The following DSCAML1 variants were observed in gnomAD, a reference collection of about 807,000 sequenced individuals.
DSCAML1 encodes the protein DS cell adhesion molecule like 1.
DSCAML1 carries 38 observed loss-of-function variants against 200.5 expected under a neutral mutation model. The observed-to-expected ratio is 0.19, with a 90% CI of 0.15 to 0.25. The LOEUF (loss-of-function observed/expected upper bound fraction) is 0.25. Among genes scored for constraint, DSCAML1 ranks in the 10% least tolerant of loss-of-function variants. The pLI, the probability that DSCAML1 is intolerant of heterozygous loss-of-function variation, is 1.00. For missense variants in DSCAML1, 2,223 were observed against 2,858.8 expected (o/e 0.78, Z 5.07); for synonymous variants, 1,215 against 1,165.0 (o/e 1.04, Z -0.87).
intron 5 of DSCAML1, among the ~76,000 whole-genome samples, chr11:117,523,206 A>C (rs1267720505): frequency 6.6e-6 from 1 of 152,090 alleles, no homozygotes; most frequent in African/African-American, 2.4e-5. Flanking sequence ...TGAACACTGC[A>C]TTTACCTACA....
In DSCAML1 at chr11:117,438,048, C is replaced by T. The variant is rs144401581; in HGVS notation, c.4279G>A (p.Glu1427Lys). Residue 1427 changes from glutamate (E) to lysine (K), a missense_variant, in exon 25 of 33, where the codon GAG becomes AAG. Physicochemically the swap from Glu to Lys is moderately conservative, Grantham distance 56 (BLOSUM62 1). This residue lies in a region of DSCAML1 where 614 missense variants were observed against 739.1 expected (regional missense o/e 0.83). Transcript: ENST00000651296. ...GAGCTGATGAACACATCCTTCCACT[C>T]CTCGCTGTTGTCCACCGAGTACTGT... ...VLQYSVDNSE[E>K]WKDVFISSSE... The T allele has an allele frequency of 5.3e-5, 86 of 1,613,856 alleles. No individual in the cohort carries two copies. Among genetic ancestry groups the T allele is most frequent in the Non-Finnish European group, 6.9e-5 (81 of 1,179,934 alleles).
chr11:117,635,190 T>C (rs1377110538), intron 3 of DSCAML1, among the ~76,000 whole-genome samples: 1 of 152,158 alleles, frequency 6.6e-6, no homozygotes, highest in Non-Finnish European at 1.5e-5. Context: ...TTTGATGTTC[T>C]GCAGCGGCAC....
At chr11:117,436,867 C>G (rs1230859594) in intron 26 of DSCAML1, among the ~76,000 whole-genome samples, 1 of 152,218 alleles carries the variant, frequency 6.6e-6, no homozygotes, top group African/African-American at 2.4e-5. Flanking sequence ...TTCAAAGACT[C>G]TCCATCTTTG....
At chr11:117,809,364 C>T (rs2055736772) in intron 1 of DSCAML1, among the ~76,000 whole-genome samples, 1 of 152,236 alleles carries the variant, frequency 6.6e-6, no homozygotes, top group Non-Finnish European at 1.5e-5. Context: ...ACTCCTTGGG[C>T]GTGGCTCTGA....
At chr11:117,568,765 G>T (rs1395378935) in intron 3 of DSCAML1, among the ~76,000 whole-genome samples, 2 of 152,188 alleles carry the variant, frequency 1.3e-5, no homozygotes, top group African/African-American at 2.4e-5. Context: ...CGGGTAGGAA[G>T]AATCAATATC....
Position 117,428,509 on chromosome 11 carries a change from TCAG to T in DSCAML1, c.5978_5980del (p.Ala1993del), listed in dbSNP as rs2047709963. The T allele has an allele frequency of 5.3e-6, 7 of 1,314,312 alleles. No homozygotes were observed. In the East Asian group the frequency reaches 2.0e-4, roughly 38 times the overall value. 81.4% of individuals were successfully genotyped at this position (1,314,312 alleles called of 1,614,324 possible). A position where few individuals can be genotyped will look rare whatever the true frequency, so the allele number is the denominator to read the frequency against. On this transcript the variant is annotated inframe_deletion, in exon 33 of 33. Transcript: ENST00000651296. ...GGCAGCGCTGGGGGCGGTGGGTGGC[TCAG>T]CAGGGGTGGGGCCGGGGGCTGGGGG...
chr11:117,493,871 G>GC (rs1565738008), intron 11 of DSCAML1, among the ~76,000 whole-genome samples: 1 of 151,994 alleles, frequency 6.6e-6, no homozygotes, highest in Admixed American at 6.6e-5. Flanking sequence ...CAAGCAATTC[G>GC]CCCCCCTCTC....
At chr11:117,442,979 T>A (rs2048098544) in intron 21 of DSCAML1, among the ~76,000 whole-genome samples, 1 of 152,216 alleles carries the variant, frequency 6.6e-6, no homozygotes, top group South Asian at 2.1e-4. Context: ...CTCGATCAGA[T>A]GCTGGCTGGC....
chr11:117,808,317 C>T (rs571823967), intron 1 of DSCAML1, among the ~76,000 whole-genome samples: 220 of 152,278 alleles, frequency 1.4e-3, no homozygotes, highest in African/African-American at 5.1e-3. Context: ...GGCAATCTGC[C>T]GACACATTCC....
chr11:117,594,798 G>A (rs2051328710), intron 3 of DSCAML1, among the ~76,000 whole-genome samples: 1 of 152,124 alleles, frequency 6.6e-6, no homozygotes. Context: ...AAGACAGGAG[G>A]CCAGGGAGGG....
In DSCAML1 at chr11:117,438,933, T is replaced by G; in HGVS notation, c.4195A>C (p.Ile1399Leu). The change falls in exon 24 of 33, where the codon ATC becomes CTC. Residue 1399 changes from isoleucine (I) to leucine (L), a missense_variant. By Grantham distance (5) the Ile-to-Leu change is conservative. This residue lies in a region of DSCAML1 where 614 missense variants were observed against 739.1 expected (regional missense o/e 0.83). Transcript: ENST00000651296. ...LTVSKTSASS[I>L]TLTWIPGDNG... Reference sequence around the variant, plus strand: ...TCACCTGGAATCCAGGTCAGGGTGATGGACGAAGCTGAGGTTTTGGAGACA... The same window carrying G: ...TCACCTGGAATCCAGGTCAGGGTGAGGGACGAAGCTGAGGTTTTGGAGACA... The G allele has an allele frequency of 6.2e-7, 1 of 1,609,576 alleles. No individual in the cohort carries two copies. The highest frequency in any genetic ancestry group is 8.5e-7 in the Non-Finnish European group (1 of 1,178,246).
intron 3 of DSCAML1, among the ~76,000 whole-genome samples, chr11:117,573,697 C>T (rs2050885165): frequency 6.6e-6 from 1 of 152,234 alleles, no homozygotes; most frequent in Non-Finnish European, 1.5e-5. Flanking sequence ...TTCAGCCCCC[C>T]GTGGAACAGT....
At chr11:117,554,780 G>A (rs563528309) in intron 3 of DSCAML1, among the ~76,000 whole-genome samples, 2 of 152,224 alleles carry the variant, frequency 1.3e-5, no homozygotes, top group Non-Finnish European at 2.9e-5. Context: ...AGAGCAGGAA[G>A]GGAACAGGAG....
In DSCAML1 at chr11:117,480,337, G is replaced by C; in HGVS notation, c.2785+106C>G. ...GGTGCTTGTGTGTCTAGCTTGGATG[G>C]GCAGCCCTAAGGCTCAGGGGCTCTC... On this transcript the variant is annotated intron_variant, in intron 14 of 32. Coordinates refer to ENST00000651296, the MANE Select transcript of DSCAML1 (RefSeq NM_020693.4). This position sits in a 1 kb window ranked among gnomAD's most constrained non-coding sequence, Gnocchi z 4.1. 6.7e-7 allele frequency: 1 copy of C among 1,502,608 alleles called. No individual in the cohort carries two copies. Among genetic ancestry groups the C allele is most frequent in the South Asian group, 1.3e-5 (1 of 77,534 alleles). The allele number at this position is 1,502,608 out of a possible 1,614,324, so 93.1% of individuals were successfully genotyped here.
At chr11:117,789,196 T>G (rs771610110) in intron 1 of DSCAML1, among the ~76,000 whole-genome samples, 1 of 152,166 alleles carries the variant, frequency 6.6e-6, no homozygotes, top group African/African-American at 2.4e-5. Context: ...CGAGGTCCAG[T>G]GGAGACGCAG....
In DSCAML1 at chr11:117,769,552, A is replaced by ATATATTATATATTTTATATATAT. The variant is rs71037497; in HGVS notation, c.511+7238_511+7239insATATATATAAAATATATAATATA. ...ATTTTATATATATTATATATTTTAT[A>ATATATTATATATTTTATATATAT]TATATATTTTATATATATTATATAT... On this transcript the variant is annotated intron_variant, in intron 3 of 32. Transcript: ENST00000651296. Among the ~76,000 whole-genome samples the ATATATTATATATTTTATATATAT allele has an allele frequency of 1.9e-4, 13 of 67,910 alleles. 3 individuals are homozygous for ATATATTATATATTTTATATATAT. The highest frequency in any genetic ancestry group is 9.0e-4 in the African/African-American group (10 of 11,164). The allele number at this position is 67,910 out of a possible 152,430, so 44.6% of individuals were successfully genotyped here. A position where few individuals can be genotyped will look rare whatever the true frequency, so the allele number is the denominator to read the frequency against.
intron 19 of DSCAML1, among the ~76,000 whole-genome samples, chr11:117,454,123 TC>T (rs768003099): frequency 6.6e-6 from 1 of 152,198 alleles, no homozygotes; most frequent in Non-Finnish European, 1.5e-5. Flanking sequence ...CCATTCTCTG[TC>T]TCTTCTTCTT....
At chr11:117,668,214 A>C (rs757823638) in intron 3 of DSCAML1, among the ~76,000 whole-genome samples, 7 of 152,252 alleles carry the variant, frequency 4.6e-5, no homozygotes, top group Admixed American at 3.3e-4. Flanking sequence ...CTCTGTCCTC[A>C]TAGGAGCTTA....
chr11:117,690,361 C>T (rs1409239170), intron 3 of DSCAML1, among the ~76,000 whole-genome samples: 1 of 152,200 alleles, frequency 6.6e-6, no homozygotes, highest in Non-Finnish European at 1.5e-5. Flanking sequence ...CTTAAAGCCC[C>T]AAAACAGCAC....
Sources: allele counts gnomAD v4.1 joint callset (sites outside exome capture counted in the v4.1 genomes callset), GRCh38; gene constraint gnomAD v4.1.1; regional missense constraint gnomAD v4.1.1; non-coding constraint Gnocchi (gnomAD v3.1); transcripts MANE v1.5; gene names NCBI Gene and HGNC (gene_info 2026-07-23, HGNC 2026-07-21).